YWHAZ: variants seen among roughly 807,000 people sequenced by gnomAD.
YWHAZ encodes the protein tyrosine 3-monooxygenase/tryptophan 5-monooxygenase activation protein zeta, also known as 14-3-3 protein zeta/delta.
For missense variants in YWHAZ, 79 were observed against 284.8 expected (o/e 0.28, Z 5.20); for synonymous variants, 87 against 103.6 (o/e 0.84, Z 0.97).
rs1360876469 is a variant in YWHAZ at position 100,920,101 on chromosome 8, T to C, written c.*592A>G. 3 of 152,648 alleles carry C rather than the reference T, an allele frequency of 2.0e-5. No individual in the cohort carries two copies. The highest frequency in any genetic ancestry group is 4.4e-5 in the Non-Finnish European group (3 of 68,044). 9.5% of individuals were successfully genotyped at this position (152,648 alleles called of 1,614,324 possible). A position where few individuals can be genotyped will look rare whatever the true frequency, so the allele number is the denominator to read the frequency against. On this transcript the variant is annotated 3_prime_UTR_variant, in exon 6 of 6. Transcript: ENST00000395958. ...GCAGGTAACTTTACAAATAATGGAA[T>C]GTGAACCGTTTCTGCCCTTATCCAG...
intron 1 of YWHAZ, chr8:100,951,195 G>A (rs1281321608): frequency 2.3e-5 from 23 of 985,180 alleles, no homozygotes; most frequent in Non-Finnish European, 2.5e-5. Context: ...CCCCGCAGTG[G>A]ACTCCCCTCC....
In YWHAZ at chr8:100,918,408, T is replaced by TTATATATATATATATATATATGTA. The variant is rs1812800258; in HGVS notation, c.*2284_*2285insTACATATATATATATATATATATA. 7 of 41,888 alleles carry TTATATATATATATATATATATGTA rather than the reference T, an allele frequency of 1.7e-4. No individual in the cohort carries two copies. In the Admixed American group the frequency reaches 1.9e-3, roughly 12 times the overall value. 2.6% of individuals were successfully genotyped at this position (41,888 alleles called of 1,614,324 possible). A position where few individuals can be genotyped will look rare whatever the true frequency, so the allele number is the denominator to read the frequency against. On this transcript the variant is annotated 3_prime_UTR_variant, in exon 6 of 6. Coordinates refer to ENST00000395958, the MANE Select transcript of YWHAZ (RefSeq NM_145690.3). ...AGTCTAGCTATAAAATATAATTACT[T>TTATATATATATATATATATATGTA]TATATATATATATATATATATATAT...
intron 5 of YWHAZ, 99 bp from the exon 6 acceptor site, chr8:100,920,851 A>G: frequency 1.1e-6 from 1 of 941,972 alleles, no homozygotes; most frequent in Non-Finnish European, 1.7e-6. Flanking sequence ...TTTTAGTTGG[A>G]AAGCATTCTT....
At position 100,918,441 on chromosome 8, in the gene YWHAZ, T is replaced by TATAA. The variant is rs1563661973; in HGVS notation, c.*2248_*2251dup. ...ATATATATATATATATATATATATA[T>TATAA]ATAATTATTTTACCTCCTTGGCTTG... On this transcript the variant is annotated 3_prime_UTR_variant, in exon 6 of 6. Transcript: ENST00000395958. The TATAA allele has an allele frequency of 6.6e-5, 8 of 120,806 alleles. No homozygotes were observed. Among genetic ancestry groups the TATAA allele is most frequent in the Admixed American group, 8.5e-5 (1 of 11,796 alleles). 7.5% of individuals were successfully genotyped at this position (120,806 alleles called of 1,614,324 possible). A position where few individuals can be genotyped will look rare whatever the true frequency, so the allele number is the denominator to read the frequency against.
At chr8:100,951,491 A>G in intron 1 of YWHAZ, 1 of 984,678 alleles carries the variant, frequency 1.0e-6, no homozygotes, top group Non-Finnish European at 1.2e-6. Flanking sequence ...GCCGCCGCCG[A>G]GTCATTATCT....
At chr8:100,953,155 C>T, upstream of YWHAZ, 5 of 985,882 alleles carry the variant, frequency 5.1e-6, no homozygotes, top group Non-Finnish European at 6.0e-6. Context: ...GCAGCCTTGA[C>T]CCGGAGACAG....
At chr8:100,950,687 C>T in intron 1 of YWHAZ, 3 of 796,318 alleles carry the variant, frequency 3.8e-6, no homozygotes, top group Non-Finnish European at 4.6e-6. Flanking sequence ...GGAGCGAAGC[C>T]GCCCGACCCC....
chr8:100,921,280 C>T (rs1241355433), intron 5 of YWHAZ, among the ~76,000 whole-genome samples: 2 of 152,148 alleles, frequency 1.3e-5, no homozygotes, highest in East Asian at 3.9e-4. Flanking sequence ...CCACCCACCT[C>T]GGCCTCCCAA....
At chr8:100,936,871 C>A (rs1006873491) in intron 2 of YWHAZ, among the ~76,000 whole-genome samples, 3 of 152,126 alleles carry the variant, frequency 2.0e-5, no homozygotes, top group Middle Eastern at 3.4e-3. Flanking sequence ...TACAAAATAA[C>A]CAGCCAGTAC....
intron 2 of YWHAZ, among the ~76,000 whole-genome samples, chr8:100,929,549 C>G (rs55824841): frequency 6.6e-6 from 1 of 152,196 alleles, no homozygotes; most frequent in Non-Finnish European, 1.5e-5. Flanking sequence ...ATTCTTCTAG[C>G]TACTTTGGTA....
Position 100,923,879 on chromosome 8 carries a change from A to G in YWHAZ, c.678+76T>C, listed in dbSNP as rs1030398202. ...AAAAATTTTAAAAGATGTATTTAAT[A>G]AAAAAAAAAATTCCCTAGAGTAAAA... On this transcript the variant is annotated intron_variant, in intron 5 of 5. Transcript: ENST00000395958. The G allele has an allele frequency of 1.1e-5, 8 of 713,582 alleles. No homozygotes were observed. The African/African-American group carries it at 1.7e-4, about 15-fold the overall frequency. 44.2% of individuals were successfully genotyped at this position (713,582 alleles called of 1,614,324 possible).
chr8:100,937,911 A>G (rs1814275888), intron 2 of YWHAZ, among the ~76,000 whole-genome samples: 1 of 152,214 alleles, frequency 6.6e-6, no homozygotes, highest in Non-Finnish European at 1.5e-5. Flanking sequence ...CAGGAGGATG[A>G]CCTGAGGTCA....
intron 2 of YWHAZ, among the ~76,000 whole-genome samples, chr8:100,925,795 T>C (rs896841720): frequency 7.9e-5 from 12 of 152,184 alleles, no homozygotes; most frequent in African/African-American, 2.9e-4. Context: ...AAAATTACAC[T>C]CTTTAACTGA....
At chr8:100,939,574 G>A (rs904434142) in intron 2 of YWHAZ, among the ~76,000 whole-genome samples, 1 of 151,640 alleles carries the variant, frequency 6.6e-6, no homozygotes, top group Admixed American at 6.6e-5. Context: ...CAGGAGAATC[G>A]CTTGAACCCA....
chr8:100,952,673 T>C (rs1288472451), upstream of YWHAZ: 20 of 557,534 alleles, frequency 3.6e-5, no homozygotes, highest in African/African-American at 8.2e-5. Context: ...GGCTCCGGCA[T>C]TGTGATCAGG....
chr8:100,939,535 T>C (rs1814463844), intron 2 of YWHAZ, among the ~76,000 whole-genome samples: 1 of 151,956 alleles, frequency 6.6e-6, no homozygotes, highest in Admixed American at 6.6e-5. Flanking sequence ...GGTGCATGCC[T>C]GTAATCCCAG....
In YWHAZ at chr8:100,924,826, TTCAAA is replaced by T; in HGVS notation, c.418+85_418+89del. On this transcript the variant is annotated intron_variant, in intron 3 of 5. Coordinates refer to ENST00000395958, the MANE Select transcript of YWHAZ (RefSeq NM_145690.3). This position sits in a 1 kb window ranked among gnomAD's most constrained non-coding sequence, Gnocchi z 5.7. Reference sequence around the variant, plus strand: ...ACTCCTTATTCGGCACTCTAAGCAATTCAAAACAAGACATTATGTACGCTTCAGAG... The same window carrying T: ...ACTCCTTATTCGGCACTCTAAGCAATACAAGACATTATGTACGCTTCAGAG... 6.5e-7 allele frequency: 1 copy of T among 1,549,160 alleles called. No homozygotes were observed. The highest frequency in any genetic ancestry group is 8.8e-7 in the Non-Finnish European group (1 of 1,141,410).
chr8:100,952,410 G>A, upstream of YWHAZ: 1 of 154,312 alleles, frequency 6.5e-6, no homozygotes. Flanking sequence ...CCTCTCCCCT[G>A]CAGCCTCTGC....
chr8:100,941,311 T>C (rs991915266), intron 2 of YWHAZ, among the ~76,000 whole-genome samples: 1 of 152,212 alleles, frequency 6.6e-6, no homozygotes, highest in East Asian at 1.9e-4. Context: ...GCAAAAAAAT[T>C]ATAAGCTGAG....
Sources: gnomAD v4.1 joint callset for allele counts (sites outside exome capture counted in the v4.1 genomes callset) on GRCh38, gnomAD v4.1.1 for gene constraint, Gnocchi (gnomAD v3.1) non-coding constraint, MANE v1.5 for transcripts, NCBI Gene and HGNC (gene_info 2026-07-23, HGNC 2026-07-21) for gene names.